Variants in PDE8B observed in about 807,000 individuals in gnomAD.
PDE8B encodes high affinity cAMP-specific and IBMX-insensitive 3',5'-cyclic phosphodiesterase 8B.
In PDE8B, 26 loss-of-function variants were observed where a neutral mutation model predicts 101.3. The ratio of observed to expected loss-of-function variants is 0.26; its 90% CI spans 0.19 to 0.36. PDE8B has a LOEUF of 0.36. Ranked by LOEUF, PDE8B falls within the 10% of genes least tolerant of loss-of-function variation. PDE8B has a pLI of 1.00. For synonymous variants in PDE8B, 424 were observed against 429.3 expected, an observed-to-expected ratio of 0.99 and a Z score of 0.15; for missense variants, 810 against 1,163.1, an observed-to-expected ratio of 0.70 and a Z score of 4.42.
At chr5:77,183,026 C>T in the PDE8B span, among the ~76,000 whole-genome samples, 12 of 151,780 alleles carry the variant, frequency 7.9e-5, no homozygotes, top group Admixed American at 6.6e-4. Context: ...TTTTTAAGTA[C>T]TTAGGCGCTA....
At chr5:77,121,080 G>A in the PDE8B span, among the ~76,000 whole-genome samples, 16 of 152,204 alleles carry the variant, frequency 1.1e-4, no homozygotes, top group African/African-American at 3.9e-4. Flanking sequence ...TCCAAACTTA[G>A]TGTCTTACAA....
chr5:77,214,833 G>A (rs750653178), intron 1 of PDE8B, among the ~76,000 whole-genome samples: 3 of 152,134 alleles, frequency 2.0e-5, no homozygotes, highest in Non-Finnish European at 4.4e-5. Flanking sequence ...CTTGGGTGGG[G>A]CCTGAGAATT....
At chr5:77,426,064 G>T in intron 21 of PDE8B, 168 bp downstream of exon 21, 1 of 684,702 alleles carries the variant, frequency 1.5e-6, no homozygotes, top group Non-Finnish European at 2.6e-6. Context: ...ATCCCCAGCA[G>T]CTGGCACAGA....
In PDE8B at chr5:77,267,872, A is replaced by G. The variant is rs79394427; in HGVS notation, c.340-44122A>G. The stretch of plus-strand genomic sequence containing the variant: ...TGAGGGCAGTGTCTTTAGTGAGCCA[A>G]TAAGTTGTCTATAAGTTGATTGGGA... On this transcript the variant is annotated intron_variant, in intron 1 of 21. Coordinates refer to ENST00000264917, the MANE Select transcript of PDE8B (RefSeq NM_003719.5). Among the ~76,000 whole-genome samples the G allele has an allele frequency of 2.5e-3, 387 of 152,348 alleles. 4 individuals are homozygous for G. The highest frequency in any genetic ancestry group is 8.8e-3 in the African/African-American group (368 of 41,592).
intron 21 of PDE8B, 52 bp from the exon 22 acceptor site, chr5:77,426,393 C>T (rs964845216): frequency 8.4e-7 from 1 of 1,193,318 alleles, no homozygotes; most frequent in Non-Finnish European, 1.2e-6. Context: ...CTTATAAATG[C>T]TCCTGGGGTC....
chr5:77,319,480 G>A (rs1452137335), intron 2 of PDE8B, among the ~76,000 whole-genome samples: 1 of 152,142 alleles, frequency 6.6e-6, no homozygotes, highest in Non-Finnish European at 1.5e-5. Context: ...CATTGAAAGA[G>A]GGAATGAGCT....
chr5:77,303,702 AT>A (rs1325915537), intron 1 of PDE8B, among the ~76,000 whole-genome samples: 25 of 152,278 alleles, frequency 1.6e-4, no homozygotes, highest in African/African-American at 5.8e-4. Flanking sequence ...GTTTGTCAGC[AT>A]TTCTTTGTAC....
intron 1 of PDE8B, among the ~76,000 whole-genome samples, chr5:77,224,083 G>A (rs1175578877): frequency 1.3e-5 from 2 of 152,152 alleles, no homozygotes; most frequent in African/African-American, 4.8e-5. Flanking sequence ...GGACACTTGG[G>A]ATCTGATGTC....
chr5:77,250,598 A>G (rs1210423422), intron 1 of PDE8B, among the ~76,000 whole-genome samples: 3 of 152,176 alleles, frequency 2.0e-5, no homozygotes, highest in Admixed American at 6.5e-5. Context: ...TCTCTTTTCC[A>G]TGTGACGATG....
At chr5:77,403,593 A>G (rs1220379153) in intron 11 of PDE8B, among the ~76,000 whole-genome samples, 1 of 152,128 alleles carries the variant, frequency 6.6e-6, no homozygotes, top group South Asian at 2.1e-4. Flanking sequence ...ACTATTATTT[A>G]TAGATAATTT....
chr5:77,418,549 A>G, intron 18 of PDE8B, 103 bp downstream of exon 18: 1 of 810,258 alleles, frequency 1.2e-6, no homozygotes, highest in Admixed American at 2.0e-5. Context: ...TAGCTGTCCC[A>G]CTGTACCAGA....
chr5:77,263,114 G>A (rs1760974309), intron 1 of PDE8B, among the ~76,000 whole-genome samples: 1 of 152,150 alleles, frequency 6.6e-6, no homozygotes, highest in South Asian at 2.1e-4. Flanking sequence ...CAAAATAGAA[G>A]GAAGATGGAA....
the PDE8B span, among the ~76,000 whole-genome samples, chr5:77,119,982 C>T: frequency 6.0e-5 from 9 of 150,506 alleles, no homozygotes; most frequent in South Asian, 1.9e-3. Flanking sequence ...CTGGGTGATA[C>T]AGTAAGACCT....
intron 10 of PDE8B, among the ~76,000 whole-genome samples, chr5:77,369,922 T>C (rs564252843): frequency 6.6e-6 from 1 of 152,284 alleles, no homozygotes; most frequent in African/African-American, 2.4e-5. Flanking sequence ...ATTGTGAAAA[T>C]TGTCAGGCAT....
intron 10 of PDE8B, among the ~76,000 whole-genome samples, chr5:77,389,139 G>T (rs1293631602): frequency 1.3e-5 from 2 of 152,140 alleles, no homozygotes; most frequent in East Asian, 3.9e-4. Context: ...CCTGCATCTA[G>T]CTTGGTGTCT....
chr5:77,409,825 C>T (rs1463007739), intron 14 of PDE8B, among the ~76,000 whole-genome samples: 1 of 152,252 alleles, frequency 6.6e-6, no homozygotes, highest in African/African-American at 2.4e-5. Flanking sequence ...AGGTTTCTGT[C>T]CAGCCCTGCA....
At chr5:77,099,754 T>G in the PDE8B span, among the ~76,000 whole-genome samples, 1 of 151,936 alleles carries the variant, frequency 6.6e-6, no homozygotes, top group Non-Finnish European at 1.5e-5. Context: ...GGACTATAGG[T>G]GCACGTCACC....
the PDE8B span, among the ~76,000 whole-genome samples, chr5:77,150,474 G>T: frequency 7.4e-4 from 113 of 152,156 alleles, no homozygotes; most frequent in African/African-American, 2.6e-3. Context: ...CCCTCTAAAT[G>T]ATCTGCACCC....
intron 1 of PDE8B, among the ~76,000 whole-genome samples, chr5:77,276,090 T>G (rs1349434803): frequency 4.6e-5 from 7 of 152,262 alleles, no homozygotes; most frequent in Admixed American, 2.0e-4. Context: ...CATTTGTTTG[T>G]AGAGTTCTTT....
Sources: allele counts gnomAD v4.1 joint callset (sites outside exome capture counted in the v4.1 genomes callset), GRCh38; gene constraint gnomAD v4.1.1; transcripts MANE v1.5; gene names NCBI Gene and HGNC (gene_info 2026-07-23, HGNC 2026-07-21).